Variants in RBFOX1 observed in about 807,000 individuals in gnomAD.
The protein encoded by RBFOX1 is RNA binding protein fox-1 homolog 1.
A neutral mutation model predicts 57.7 loss-of-function variants in RBFOX1; 8 were observed. That is an observed-to-expected ratio of 0.14 (90% CI 0.08 to 0.25). RBFOX1 has a LOEUF of 0.25. Among genes scored for constraint, RBFOX1 ranks in the 10% least tolerant of loss-of-function variants. The pLI is 1.00. For missense variants in RBFOX1, 611 were observed against 548.5 expected (o/e 1.11, Z -1.14); for synonymous variants, 326 against 222.4 (o/e 1.47, Z -4.15).
At chr16:6,088,188 T>A (rs2096117497) in intron 1 of RBFOX1, among the ~76,000 whole-genome samples, 1 of 152,116 alleles carries the variant, frequency 6.6e-6, no homozygotes, top group African/African-American at 2.4e-5. Context: ...CTTAGTTACT[T>A]TTTTTCTTTC....
chr16:6,870,807 C>G (rs1382353575), intron 3 of RBFOX1, among the ~76,000 whole-genome samples: 1 of 152,170 alleles, frequency 6.6e-6, no homozygotes, highest in African/African-American at 2.4e-5. Flanking sequence ...ATTTATGAGG[C>G]AATTTCAGAT....
intron 11 of RBFOX1, among the ~76,000 whole-genome samples, chr16:7,642,584 G>A (rs1290902317): frequency 6.6e-6 from 1 of 152,112 alleles, no homozygotes; most frequent in Non-Finnish European, 1.5e-5. Context: ...GCAATTCACC[G>A]AGCTTGCTGT....
intron 4 of RBFOX1, among the ~76,000 whole-genome samples, chr16:7,090,370 G>A (rs1247391505): frequency 6.6e-6 from 1 of 152,120 alleles, no homozygotes; most frequent in South Asian, 2.1e-4. Flanking sequence ...TTGCTGGGGG[G>A]AGGTGTGGGG....
intron 4 of RBFOX1, among the ~76,000 whole-genome samples, chr16:7,422,072 TTAA>T (rs1482639073): frequency 6.6e-6 from 1 of 152,204 alleles, no homozygotes; most frequent in East Asian, 1.9e-4. Context: ...AAGCTGGGAC[TTAA>T]ATAGACAAAG....
chr16:6,822,953 C>T (rs181293847), intron 3 of RBFOX1, among the ~76,000 whole-genome samples: 1 of 152,106 alleles, frequency 6.6e-6, no homozygotes, highest in African/African-American at 2.4e-5. Flanking sequence ...CATTAGAGTT[C>T]ATGGACAAAA....
intron 3 of RBFOX1, among the ~76,000 whole-genome samples, chr16:5,749,047 C>G (rs1372494774): frequency 6.6e-6 from 1 of 152,098 alleles, no homozygotes; most frequent in Non-Finnish European, 1.5e-5. Context: ...CCTTCAGGAG[C>G]TCTTTTAGGG....
intron 2 of RBFOX1, among the ~76,000 whole-genome samples, chr16:5,527,442 C>T (rs776540674): frequency 5.3e-5 from 8 of 152,152 alleles, no homozygotes; most frequent in Non-Finnish European, 8.8e-5. Flanking sequence ...TTGAGGATGG[C>T]ATTGGAAAGT....
chr16:6,492,131 T>TGTGC (rs2095646480), intron 2 of RBFOX1, among the ~76,000 whole-genome samples: 1 of 151,870 alleles, frequency 6.6e-6, no homozygotes, highest in Admixed American at 6.6e-5. Flanking sequence ...TGTGTGTGTG[T>TGTGC]GCGGGCGTGT....
At chr16:7,545,829 T>C (rs2084313123) in intron 5 of RBFOX1, among the ~76,000 whole-genome samples, 1 of 151,902 alleles carries the variant, frequency 6.6e-6, no homozygotes, top group African/African-American at 2.4e-5. Flanking sequence ...CATCATCAAG[T>C]CACAGACATC....
chr16:5,552,381 G>A (rs903021817), intron 2 of RBFOX1, among the ~76,000 whole-genome samples: 1 of 152,166 alleles, frequency 6.6e-6, no homozygotes, highest in African/African-American at 2.4e-5. Flanking sequence ...TCAATGACAG[G>A]CATTGGGCTA....
chr16:6,911,435 G>A (rs1188485769), intron 3 of RBFOX1, among the ~76,000 whole-genome samples: 1 of 152,134 alleles, frequency 6.6e-6, no homozygotes, highest in Non-Finnish European at 1.5e-5. Flanking sequence ...GGCAACGCAT[G>A]GTGCTGCTTG....
chr16:6,367,246 CTTTG>C lies in RBFOX1; in HGVS notation c.-64+50201_-64+50204del, dbSNP rs544375842. Among the ~76,000 whole-genome samples, 83 of 148,042 alleles carry C rather than the reference CTTTG, an allele frequency of 5.6e-4. 1 individual carries two copies. Among genetic ancestry groups the C allele is most frequent in the East Asian group, 2.7e-3 (14 of 5,108 alleles). On this transcript the variant is annotated intron_variant, in intron 2 of 15. Coordinates refer to ENST00000550418, the MANE Select transcript of RBFOX1 (RefSeq NM_018723.4). ...GTAGGTTTAGCCCTTCTTGGATTTT[CTTTG>C]TTTGTTTGTTTTGTTTTGTTTTGTT... is the stretch of plus-strand genomic sequence containing the variant.
At chr16:5,835,426 G>T (rs1381252824) in intron 3 of RBFOX1, among the ~76,000 whole-genome samples, 1 of 152,222 alleles carries the variant, frequency 6.6e-6, no homozygotes, top group Non-Finnish European at 1.5e-5. Flanking sequence ...GCTTGGGAAA[G>T]CTTAATGGAG....
intron 4 of RBFOX1, among the ~76,000 whole-genome samples, chr16:5,904,166 A>G (rs751114330): frequency 6.6e-6 from 1 of 152,164 alleles, no homozygotes; most frequent in African/African-American, 2.4e-5. Flanking sequence ...TGCCTGGTGT[A>G]TGCACAAAGC....
chr16:6,783,772 T>G (rs1042767127), intron 3 of RBFOX1, among the ~76,000 whole-genome samples: 2 of 152,180 alleles, frequency 1.3e-5, no homozygotes, highest in Non-Finnish European at 2.9e-5. Flanking sequence ...GCTGCACATT[T>G]GTACCCCTGT....
At chr16:6,539,900 A>C (rs563907370) in intron 2 of RBFOX1, among the ~76,000 whole-genome samples, 44 of 151,350 alleles carry the variant, frequency 2.9e-4, no homozygotes, top group African/African-American at 1.0e-3. Flanking sequence ...TGAACTTTTA[A>C]ACCTTCTCCA....
At position 6,525,939 on chromosome 16, in the gene RBFOX1, G is replaced by A. The variant is rs372795756; in HGVS notation, c.-63-128664G>A. 1.2e-4 allele frequency among the ~76,000 whole-genome samples: 18 copies of A among 152,178 alleles called. 1 individual carries two copies. Among genetic ancestry groups the A allele is most frequent in the African/African-American group, 4.1e-4 (17 of 41,536 alleles). On this transcript the variant is annotated intron_variant, in intron 2 of 15. Coordinates refer to ENST00000550418, the MANE Select transcript of RBFOX1 (RefSeq NM_018723.4). ...TGTCTGCTACAAGCAGAGAAAAAAA[G>A]CAAGGGAACTAATGGTGGCTGAATG...
chr16:7,238,148 G>C (rs1305884069), intron 4 of RBFOX1, among the ~76,000 whole-genome samples: 1 of 152,118 alleles, frequency 6.6e-6, no homozygotes, highest in African/African-American at 2.4e-5. Context: ...AATTCACAAA[G>C]ACAAAAAGTG....
Position 7,610,417 on chromosome 16 carries a change from C to T in RBFOX1, c.676+3079C>T, listed in dbSNP as rs188386958. ...TAATATTAAAGGTCATGATTCCAAT[C>T]GACTGTCTCCTATGATCATGCTACT... On this transcript the variant is annotated intron_variant, in intron 10 of 15. Transcript: ENST00000550418. 5.5e-3 allele frequency among the ~76,000 whole-genome samples: 832 copies of T among 151,492 alleles called. 8 individuals are homozygous for T. Among genetic ancestry groups the T allele is most frequent in the African/African-American group, 0.019 (786 of 41,230 alleles).
Sources: gnomAD v4.1 joint callset for allele counts (sites outside exome capture counted in the v4.1 genomes callset) on GRCh38, gnomAD v4.1.1 for gene constraint, MANE v1.5 for transcripts, NCBI Gene and HGNC (gene_info 2026-07-23, HGNC 2026-07-21) for gene names.